Variants in PTPRU observed in about 807,000 individuals in gnomAD.
PTPRU encodes receptor-type tyrosine-protein phosphatase U.
A neutral mutation model predicts 166.3 loss-of-function variants in PTPRU; 69 were observed. The ratio of observed to expected loss-of-function variants is 0.41; its 90% CI spans 0.34 to 0.51. PTPRU has a LOEUF of 0.51. Ranked by LOEUF, PTPRU falls within the 20% of genes least tolerant of loss-of-function variation. The pLI, the probability that PTPRU is intolerant of heterozygous loss-of-function variation, is 0.09. For missense variants in PTPRU, 1,657 were observed against 2,013.7 expected, an observed-to-expected ratio of 0.82 and a Z score of 3.39; for synonymous variants, 793 against 814.0, an observed-to-expected ratio of 0.97 and a Z score of 0.44.
chr1:29,239,927 G>A (rs77247367), intron 1 of PTPRU, among the ~76,000 whole-genome samples: 2,009 of 152,258 alleles, frequency 0.013, 19 homozygotes, highest in Middle Eastern at 0.082. Flanking sequence ...TCAGGGTGAA[G>A]TCCTTATCCC....
rs1282356912 is a variant in PTPRU, at chr1:29,271,970, C to T, written c.1145-3478C>T. ...CAAATAAAGCAGTGGTACCTCGGCT[C>T]TTGTAGACTCCCAGGACAGTGCACA... On this transcript the variant is annotated intron_variant, in intron 7 of 29. Transcript: ENST00000373779. The surrounding 1 kb of genome is among the most constrained non-coding windows in gnomAD (Gnocchi z 4.4). Among the ~76,000 whole-genome samples the T allele has an allele frequency of 6.6e-6, 1 of 152,012 alleles. No homozygotes were observed. Among genetic ancestry groups the T allele is most frequent in the African/African-American group, 2.4e-5 (1 of 41,366 alleles).
Position 29,311,195 on chromosome 1 carries a change from A to AT in PTPRU, c.2858-259dup, listed in dbSNP as rs1687640293. 6.6e-6 allele frequency among the ~76,000 whole-genome samples: 1 copy of AT among 152,064 alleles called. No individual in the cohort carries two copies. The highest frequency in any genetic ancestry group is 1.5e-5 in the Non-Finnish European group (1 of 68,016). On this transcript the variant is annotated intron_variant, in intron 19 of 29. Transcript: ENST00000373779. This position sits in a 1 kb window ranked among gnomAD's most constrained non-coding sequence, Gnocchi z 4.1. ...TCTGTCCCTCCTGGACACTCATGCC[A>AT]TTGCCCAACCATCTGGTCCTCCTCC...
intron 7 of PTPRU, among the ~76,000 whole-genome samples, chr1:29,268,234 T>C (rs1169061405): frequency 1.3e-5 from 2 of 152,160 alleles, no homozygotes; most frequent in Non-Finnish European, 2.9e-5. Context: ...GGGCTGCAGA[T>C]AGAAATTTGA....
At chr1:29,319,862 G>A (rs971265635) in intron 25 of PTPRU, among the ~76,000 whole-genome samples, 1 of 152,090 alleles carries the variant, frequency 6.6e-6, no homozygotes, top group Non-Finnish European at 1.5e-5. Context: ...GGCACAGGGT[G>A]GGGCAGGGCA....
At position 29,268,076 on chromosome 1, in the gene PTPRU, G is replaced by A. The variant is rs1365326818; in HGVS notation, c.1144+7173G>A. Among the ~76,000 whole-genome samples, 4 of 152,302 alleles carry A rather than the reference G, an allele frequency of 2.6e-5. No individual in the cohort carries two copies. The East Asian group carries it at 7.7e-4, about 29-fold the overall frequency. ...TGATGGAGCTGTCATTTCCTGGAGC[G>A]GACTGTGGTGGCAGCTGATTTGACG... On this transcript the variant is annotated intron_variant, in intron 7 of 29. Transcript: ENST00000373779.
chr1:29,325,407 A>T, intron 29 of PTPRU, 81 bp downstream of exon 29: 1 of 1,552,086 alleles, frequency 6.4e-7, no homozygotes, highest in African/African-American at 1.4e-5. Flanking sequence ...CCACTCTCCC[A>T]TATCTGGGCC....
intron 8 of PTPRU, 43 bp downstream of exon 8, chr1:29,275,799 C>T: frequency 6.3e-7 from 1 of 1,585,904 alleles, no homozygotes; most frequent in Non-Finnish European, 8.6e-7. Flanking sequence ...GTGTACCTCC[C>T]ACAGATACGC....
intron 2 of PTPRU, among the ~76,000 whole-genome samples, chr1:29,256,367 C>T (rs1179061078): frequency 6.6e-6 from 1 of 152,196 alleles, no homozygotes; most frequent in African/African-American, 2.4e-5. Context: ...ATGGGCTTTC[C>T]GAGTGAATCC....
intron 7 of PTPRU, among the ~76,000 whole-genome samples, chr1:29,273,743 A>T (rs972353076): frequency 6.6e-6 from 1 of 152,146 alleles, no homozygotes; most frequent in Non-Finnish European, 1.5e-5. Context: ...ATTCTGGTCC[A>T]TAGAGTCATC....
intron 1 of PTPRU, among the ~76,000 whole-genome samples, chr1:29,243,190 C>A (rs958188857): frequency 6.6e-6 from 1 of 152,154 alleles, no homozygotes; most frequent in Non-Finnish European, 1.5e-5. Flanking sequence ...AGCCCCCGGG[C>A]CCGGCCCAGG....
At chr1:29,292,372 C>T (rs547967331) in intron 15 of PTPRU, among the ~76,000 whole-genome samples, 2 of 152,252 alleles carry the variant, frequency 1.3e-5, no homozygotes, top group African/African-American at 4.8e-5. Context: ...CTGAGAGAGA[C>T]CGATATAGAG....
At chr1:29,248,116 C>T (rs1194328387) in intron 1 of PTPRU, among the ~76,000 whole-genome samples, 1 of 152,036 alleles carries the variant, frequency 6.6e-6, no homozygotes, top group Admixed American at 6.6e-5. Flanking sequence ...GAGTCATGGT[C>T]CTAGAGCTGG....
At position 29,257,976 on chromosome 1, in the gene PTPRU, T is replaced by TTC. The variant is rs910849426; in HGVS notation, c.206-529_206-528insTC. Among the ~76,000 whole-genome samples the TTC allele has an allele frequency of 6.6e-6, 1 of 151,408 alleles. No individual in the cohort carries two copies. The highest frequency in any genetic ancestry group is 2.4e-5 in the African/African-American group (1 of 41,182). ...TTGTAAGGAGCCATAATTTTTTTTT[T>TTC]CTTTTTGAGACCGAGTCTTGCTCTG... On this transcript the variant is annotated intron_variant, in intron 2 of 29. Transcript: ENST00000373779. This position sits in a 1 kb window ranked among gnomAD's most constrained non-coding sequence, Gnocchi z 4.6.
intron 7 of PTPRU, among the ~76,000 whole-genome samples, chr1:29,269,894 T>G (rs188258883): frequency 7.2e-5 from 11 of 152,140 alleles, no homozygotes; most frequent in Admixed American, 6.5e-4. Context: ...TTGCTTGGTG[T>G]TGTTACGTGT....
intron 2 of PTPRU, 104 bp from the exon 3 acceptor site, chr1:29,258,401 G>A: frequency 1.5e-6 from 2 of 1,299,810 alleles, no homozygotes; most frequent in Non-Finnish European, 2.1e-6. Flanking sequence ...CCTGACTCCT[G>A]GTGGGTCCCG....
chr1:29,257,915 G>A lies in PTPRU; in HGVS notation c.206-590G>A, dbSNP rs79739556. Among the ~76,000 whole-genome samples the A allele has an allele frequency of 4.6e-4, 70 of 152,196 alleles. No homozygotes were observed. In the East Asian group the frequency reaches 0.013, roughly 28 times the overall value. Reference sequence around the variant, plus strand: ...GATAGCTCAGAACATGGGGAAAGCTGTGGTTAGGCTGGGCATGGGCATTGT... The same window carrying A: ...GATAGCTCAGAACATGGGGAAAGCTATGGTTAGGCTGGGCATGGGCATTGT... On this transcript the variant is annotated intron_variant, in intron 2 of 29. Transcript: ENST00000373779. This position sits in a 1 kb window ranked among gnomAD's most constrained non-coding sequence, Gnocchi z 4.6.
Position 29,259,892 on chromosome 1 carries a change from C to G in PTPRU, c.698C>G (p.Pro233Arg). The G allele has an allele frequency of 6.5e-7, 1 of 1,531,450 alleles. No individual in the cohort carries two copies. The highest frequency in any genetic ancestry group is 8.7e-7 in the Non-Finnish European group (1 of 1,145,392). 94.9% of individuals were successfully genotyped at this position (1,531,450 alleles called of 1,614,324 possible). A position where few individuals can be genotyped will look rare whatever the true frequency, so the allele number is the denominator to read the frequency against. The change falls in exon 6 of 30, where the codon CCG becomes CGG. Residue 233 changes from proline (P) to arginine (R), a missense_variant. Around this residue, in one of 3 missense-constraint regions of PTPRU, gnomAD observed 453 missense variants for 496.9 expected, o/e 0.91. Transcript: ENST00000373779. ...LLQRQSGALVPAAGVRHISHR... is the reference protein window; with the variant it reads ...LLQRQSGALVRAAGVRHISHR... ...CAGCGGCAGAGCGGGGCGCTGGTGC[C>G]GGCGGCGGGCGTGCGGCACATCAGC...
chr1:29,281,271 G>T (rs751048989), intron 11 of PTPRU, among the ~76,000 whole-genome samples: 1 of 152,174 alleles, frequency 6.6e-6, no homozygotes, highest in Non-Finnish European at 1.5e-5. Flanking sequence ...GCCCTGGGCT[G>T]ATTCCCAGAC....
At chr1:29,243,106 C>T (rs1259299070) in intron 1 of PTPRU, among the ~76,000 whole-genome samples, 1 of 152,144 alleles carries the variant, frequency 6.6e-6, no homozygotes, top group Non-Finnish European at 1.5e-5. Flanking sequence ...ACTGTGTTAG[C>T]CAGGATGGTC....
Sources: gnomAD v4.1 joint callset for allele counts (sites outside exome capture counted in the v4.1 genomes callset) on GRCh38, gnomAD v4.1.1 for gene constraint, gnomAD v4.1.1 regional missense constraint, Gnocchi (gnomAD v3.1) non-coding constraint, MANE v1.5 for transcripts, NCBI Gene and HGNC (gene_info 2026-07-23, HGNC 2026-07-21) for gene names.